The following BIRC6 variants were observed in gnomAD, a reference collection of about 807,000 sequenced individuals.
BIRC6 encodes the protein baculoviral IAP repeat containing 6, also known as dual E2 ubiquitin-conjugating enzyme/E3 ubiquitin-protein ligase BIRC6.
Under a neutral mutation model 503.3 loss-of-function variants are expected in BIRC6, and 98 were observed. The ratio of observed to expected loss-of-function variants is 0.19; its 90% CI spans 0.17 to 0.23. The LOEUF is 0.23. Ranked by LOEUF, BIRC6 falls within the 10% of genes least tolerant of loss-of-function variation. BIRC6 has a pLI of 1.00. For missense variants in BIRC6, 5,360 were observed against 5,806.0 expected (o/e 0.92, Z 2.50); for synonymous variants, 2,240 against 2,078.7 (o/e 1.08, Z -2.11).
chr2:32,590,807 G>A, intron 66 of BIRC6: 1 of 985,822 alleles, frequency 1.0e-6, no homozygotes, highest in Non-Finnish European at 1.2e-6. Flanking sequence ...TTTCTTCAGG[G>A]CAGTGATCAC....
chr2:32,591,838 CTGGGGAGTAAGAGTCTT>C (rs575130030), intron 66 of BIRC6, among the ~76,000 whole-genome samples: 2 of 152,266 alleles, frequency 1.3e-5, no homozygotes, highest in Admixed American at 6.5e-5. Context: ...TCATTTACAA[CTGGGGAGTAAGAGTCTT>C]TGTAAATTCA....
rs553283192 is a variant in BIRC6 at position 32,436,825 on chromosome 2, A to G, written c.3631+641A>G. ...ATCATCTGCCCACCTTGGCCTCCCA[A>G]AGTGTTGGGATTACAGGCGTCAGCA... is the stretch of plus-strand genomic sequence containing the variant. On this transcript the variant is annotated intron_variant, in intron 15 of 73. Transcript: ENST00000421745. Among the ~76,000 whole-genome samples the G allele has an allele frequency of 4.7e-5, 7 of 148,014 alleles. No homozygotes were observed. The South Asian group carries it at 1.3e-3, about 28-fold the overall frequency.
intron 54 of BIRC6, among the ~76,000 whole-genome samples, chr2:32,513,960 A>G (rs1486414532): frequency 6.6e-6 from 1 of 151,798 alleles, no homozygotes; most frequent in South Asian, 2.1e-4. Context: ...CGTTCCAGCT[A>G]CTTGGGAGGC....
intron 70 of BIRC6, 85 bp downstream of exon 70, chr2:32,599,985 T>G: frequency 7.5e-7 from 1 of 1,336,420 alleles, no homozygotes. Context: ...TTTGTTTTAG[T>G]TATCTGCTAA....
intron 17 of BIRC6, 107 bp downstream of exon 17, chr2:32,441,569 T>G: frequency 9.7e-7 from 1 of 1,032,338 alleles, no homozygotes; most frequent in East Asian, 2.5e-5. Flanking sequence ...AAAATTTTTT[T>G]TGTCCATTTT....
intron 61 of BIRC6, among the ~76,000 whole-genome samples, chr2:32,532,502 C>G (rs1266387669): frequency 2.0e-5 from 3 of 152,024 alleles, no homozygotes; most frequent in South Asian, 2.1e-4. Context: ...ATAAGGACAC[C>G]AGTCATTTAA....
intron 73 of BIRC6, among the ~76,000 whole-genome samples, chr2:32,615,121 G>A (rs1358033082): frequency 6.6e-6 from 1 of 152,086 alleles, no homozygotes; most frequent in Non-Finnish European, 1.5e-5. Flanking sequence ...ACAACAACCC[G>A]ATCTCGTGAT....
At chr2:32,553,006 A>C (rs960650379) in intron 65 of BIRC6, among the ~76,000 whole-genome samples, 9 of 139,646 alleles carry the variant, frequency 6.4e-5, no homozygotes, top group Admixed American at 3.6e-4. Flanking sequence ...AAGTTACATC[A>C]TTTTATCTCT....
intron 59 of BIRC6, among the ~76,000 whole-genome samples, chr2:32,525,952 A>G (rs1463999381): frequency 1.3e-5 from 2 of 152,104 alleles, no homozygotes; most frequent in African/African-American, 4.8e-5. Flanking sequence ...CCGTGGGGCA[A>G]ATTTGTAGGA....
rs1572951716 is a variant in BIRC6, at chr2:32,549,934, C to T, written c.13144+453C>T. Among the ~76,000 whole-genome samples, 7 of 152,130 alleles carry T rather than the reference C, an allele frequency of 4.6e-5. No homozygotes were observed. The South Asian group carries it at 1.5e-3, about 32-fold the overall frequency. ...AGATGATGATTAATTTCTTAAAATT[C>T]AATAATAAAAGTACTGTAGCTACTT... On this transcript the variant is annotated intron_variant, in intron 65 of 73. Coordinates refer to ENST00000421745, the MANE Select transcript of BIRC6 (RefSeq NM_016252.4).
intron 2 of BIRC6, among the ~76,000 whole-genome samples, chr2:32,378,300 A>G (rs1194411949): frequency 3.3e-5 from 5 of 151,922 alleles, no homozygotes; most frequent in African/African-American, 9.7e-5. Context: ...TCACAACTCA[A>G]ATACTCTCTC....
chr2:32,412,848 A>G lies in BIRC6; in HGVS notation c.1478-1921A>G, dbSNP rs143814487. The stretch of plus-strand genomic sequence containing the variant: ...CATAAATGACAGATGCATAAGTAGT[A>G]TTCTCTCTTTGGTTTAGAATTGAAG... On this transcript the variant is annotated intron_variant, in intron 9 of 73. Coordinates refer to ENST00000421745, the MANE Select transcript of BIRC6 (RefSeq NM_016252.4). Among the ~76,000 whole-genome samples the G allele has an allele frequency of 1.5e-4, 23 of 152,300 alleles. No individual in the cohort carries two copies. In the East Asian group the frequency reaches 4.0e-3, roughly 27 times the overall value.
intron 33 of BIRC6, among the ~76,000 whole-genome samples, chr2:32,475,866 A>G (rs980223192): frequency 1.1e-4 from 17 of 152,052 alleles, no homozygotes; most frequent in Non-Finnish European, 2.1e-4. Context: ...AAAGCTAAGA[A>G]ATATTAAGCA....
chr2:32,523,509 G>A (rs1423158346), intron 57 of BIRC6: 1 of 152,022 alleles, frequency 6.6e-6, no homozygotes, highest in Non-Finnish European at 1.5e-5. Flanking sequence ...TTAGTTGCTT[G>A]GTTGTTTTTG....
chr2:32,611,091 A>T (rs541286468), intron 72 of BIRC6, among the ~76,000 whole-genome samples: 5 of 146,840 alleles, frequency 3.4e-5, no homozygotes, highest in African/African-American at 1.3e-4. Context: ...CTAATATTGT[A>T]GAGTTGATTA....
chr2:32,386,929 A>G (rs1573844164), intron 3 of BIRC6, among the ~76,000 whole-genome samples: 1 of 152,274 alleles, frequency 6.6e-6, no homozygotes, highest in East Asian at 1.9e-4. Context: ...TATATTATGC[A>G]TTCAGGAACT....
At chr2:32,490,722 T>C (rs952788733) in intron 43 of BIRC6, among the ~76,000 whole-genome samples, 1 of 152,248 alleles carries the variant, frequency 6.6e-6, no homozygotes, top group Non-Finnish European at 1.5e-5. Flanking sequence ...GGCAGGTTTT[T>C]ACATTTCATC....
chr2:32,511,374 A>G (rs1479658918), intron 53 of BIRC6, among the ~76,000 whole-genome samples: 2 of 150,948 alleles, frequency 1.3e-5, no homozygotes, highest in Non-Finnish European at 3.0e-5. Flanking sequence ...CAGTGGTGCA[A>G]TCTTGGCTCA....
chr2:32,370,856 A>G (rs978934810), intron 1 of BIRC6, among the ~76,000 whole-genome samples: 18 of 152,146 alleles, frequency 1.2e-4, no homozygotes, highest in African/African-American at 4.1e-4. Context: ...GTCTGATGAG[A>G]TGTCAGTGGA....
Sources: allele counts gnomAD v4.1 joint callset (sites outside exome capture counted in the v4.1 genomes callset), GRCh38; gene constraint gnomAD v4.1.1; transcripts MANE v1.5; gene names NCBI Gene and HGNC (gene_info 2026-07-23, HGNC 2026-07-21).